The following MALL variants were observed in gnomAD, a reference collection of about 807,000 sequenced individuals.
MALL encodes mal, T cell differentiation protein like.
MALL carries 2 observed loss-of-function variants against 10.3 expected under a neutral mutation model. The ratio of observed to expected loss-of-function variants is 0.19; its 90% CI spans 0.08 to 0.61. The LOEUF (loss-of-function observed/expected upper bound fraction) is 0.61, where lower values mean the gene tolerates loss of function less well. MALL is among the 20% of genes least tolerant of loss of function. The probability of loss-of-function intolerance (pLI) is 0.88; values close to 1 mark genes in which losing one functional copy is unlikely to be tolerated. For missense variants in MALL, 39 were observed against 115.2 expected, an observed-to-expected ratio of 0.34 and a Z score of 3.03; for synonymous variants, 27 against 51.8, an observed-to-expected ratio of 0.52 and a Z score of 2.05.
chr2:110,101,400 G>T (rs1306290968), intron 1 of MALL, among the ~76,000 whole-genome samples: 1 of 152,144 alleles, frequency 6.6e-6, no homozygotes, highest in Admixed American at 6.5e-5. Flanking sequence ...TGGCTTTAAG[G>T]CTAGCAGGAA....
At chr2:110,097,308 C>T (rs1013664638) in intron 1 of MALL, among the ~76,000 whole-genome samples, 6 of 151,920 alleles carry the variant, frequency 3.9e-5, no homozygotes, top group South Asian at 4.2e-4. Flanking sequence ...GCCTTGGTCT[C>T]GGGGAAGCAG....
chr2:110,101,540 A>T (rs571176772), intron 1 of MALL, among the ~76,000 whole-genome samples: 1 of 152,230 alleles, frequency 6.6e-6, no homozygotes, highest in East Asian at 1.9e-4. Flanking sequence ...TGGCTGAGCA[A>T]GTCAGGCGTC....
intron 1 of MALL, among the ~76,000 whole-genome samples, chr2:110,096,061 G>A (rs1272133332): frequency 1.3e-5 from 2 of 152,174 alleles, no homozygotes; most frequent in Admixed American, 6.5e-5. Flanking sequence ...AACGTGGTGT[G>A]GGGGCAAAGA....
intron 1 of MALL, among the ~76,000 whole-genome samples, chr2:110,103,894 G>C (rs1182656618): frequency 2.0e-5 from 3 of 152,172 alleles, no homozygotes; most frequent in African/African-American, 7.2e-5. Context: ...AGGCCAGGTG[G>C]TTCCCAGCAT....
chr2:110,097,095 C>CAAAAAAAAAAAAAA (rs71405880), intron 1 of MALL, among the ~76,000 whole-genome samples: 3 of 139,670 alleles, frequency 2.1e-5, no homozygotes, highest in Non-Finnish European at 3.1e-5. Context: ...CAAAACAAAA[C>CAAAAAAAAAAAAAA]AAAAAAAAAA....
intron 1 of MALL, among the ~76,000 whole-genome samples, chr2:110,103,197 A>G (rs1448382614): frequency 1.3e-5 from 2 of 152,086 alleles, no homozygotes; most frequent in Admixed American, 1.3e-4. Flanking sequence ...AAGTGGTGCC[A>G]TGGGGAGCTA....
intron 1 of MALL, among the ~76,000 whole-genome samples, chr2:110,101,139 C>A (rs1678555789): frequency 6.6e-6 from 1 of 152,086 alleles, no homozygotes. Context: ...GGCCCTGCAG[C>A]CTCATGAAGC....
intron 1 of MALL, among the ~76,000 whole-genome samples, chr2:110,100,257 T>C (rs1242614593): frequency 6.6e-6 from 1 of 152,022 alleles, no homozygotes; most frequent in African/African-American, 2.4e-5. Context: ...GGTGGGAGGA[T>C]TGCTTGAGGC....
At chr2:110,107,348 G>T (rs1480601451) in intron 1 of MALL, among the ~76,000 whole-genome samples, 1 of 152,126 alleles carries the variant, frequency 6.6e-6, no homozygotes, top group Non-Finnish European at 1.5e-5. Context: ...GGGCTGCTGG[G>T]GGGTACACAG....
rs569160048 is a variant in MALL at position 110,115,192 on chromosome 2, A to G, written c.105+496T>C. Among the ~76,000 whole-genome samples the G allele has an allele frequency of 2.6e-5, 4 of 152,336 alleles. No homozygotes were observed. In the South Asian group the frequency reaches 8.3e-4, roughly 32 times the overall value. On this transcript the variant is annotated intron_variant, in intron 1 of 3. Transcript: ENST00000272462. ...AGAAAACACTGGAAGACCTACTCTC[A>G]GAGGGAAACACAGTCTCCTCACTTC...
chr2:110,113,954 A>C (rs905547355), intron 1 of MALL, among the ~76,000 whole-genome samples: 3 of 152,076 alleles, frequency 2.0e-5, no homozygotes, highest in African/African-American at 7.2e-5. Flanking sequence ...GGCCAATGTG[A>C]ATTTTGATTG....
chr2:110,115,178 G>T (rs1678880527), intron 1 of MALL, among the ~76,000 whole-genome samples: 1 of 152,156 alleles, frequency 6.6e-6, no homozygotes. Context: ...GAAAACACTG[G>T]AAGACCTACT....
At chr2:110,105,213 C>A (rs796464211) in intron 1 of MALL, among the ~76,000 whole-genome samples, 6 of 152,366 alleles carry the variant, frequency 3.9e-5, no homozygotes, top group African/African-American at 1.4e-4. Flanking sequence ...TTTTACTGAA[C>A]CTGAATACAC....
intron 1 of MALL, among the ~76,000 whole-genome samples, chr2:110,113,362 C>T (rs1177504733): frequency 4.9e-5 from 7 of 141,954 alleles, no homozygotes; most frequent in African/African-American, 1.3e-4. Context: ...GGCATGAACC[C>T]GGGAGGTGGA....
At chr2:110,114,457 G>A (rs1437031260) in intron 1 of MALL, among the ~76,000 whole-genome samples, 2 of 151,846 alleles carry the variant, frequency 1.3e-5, no homozygotes, top group Non-Finnish European at 2.9e-5. Context: ...GCTGCTCCAA[G>A]GTGAGGGGCA....
At chr2:110,099,171 T>C (rs1221516701) in intron 1 of MALL, among the ~76,000 whole-genome samples, 2 of 151,642 alleles carry the variant, frequency 1.3e-5, no homozygotes, top group East Asian at 1.9e-4. Context: ...TGAGTGGGAG[T>C]TTGGTTCTGA....
intron 1 of MALL, among the ~76,000 whole-genome samples, chr2:110,114,934 T>A (rs563286443): frequency 2.6e-5 from 4 of 152,024 alleles, no homozygotes; most frequent in Non-Finnish European, 5.9e-5. Flanking sequence ...CGAGGGAACT[T>A]GTGCAGTGCG....
intron 1 of MALL, among the ~76,000 whole-genome samples, chr2:110,112,884 A>G (rs2104395623): frequency 6.7e-6 from 1 of 149,634 alleles, no homozygotes; most frequent in South Asian, 2.1e-4. Flanking sequence ...ATATATATAT[A>G]TGTATATATA....
intron 1 of MALL, among the ~76,000 whole-genome samples, chr2:110,107,650 G>T (rs1411003625): frequency 6.6e-6 from 1 of 152,090 alleles, no homozygotes; most frequent in East Asian, 1.9e-4. Flanking sequence ...GAGTTCTAGG[G>T]CTCCACCCAA....
Sources: gnomAD v4.1 joint callset for allele counts (sites outside exome capture counted in the v4.1 genomes callset) on GRCh38, gnomAD v4.1.1 for gene constraint, MANE v1.5 for transcripts, NCBI Gene and HGNC (gene_info 2026-07-23, HGNC 2026-07-21) for gene names.